The following EIF2B3 variants were observed in gnomAD, a reference collection of about 807,000 sequenced individuals.
EIF2B3 encodes eukaryotic translation initiation factor 2B subunit gamma, also known as translation initiation factor eIF2B subunit gamma.
In EIF2B3, 20 loss-of-function variants were observed where a neutral mutation model predicts 54.1. The ratio of observed to expected loss-of-function variants is 0.37; its 90% confidence interval spans 0.26 to 0.54. EIF2B3 has a LOEUF of 0.54. Among genes scored for constraint, EIF2B3 ranks in the 20% least tolerant of loss-of-function variants. The probability of loss-of-function intolerance (pLI) is 0.86; values close to 1 mark genes in which losing one functional copy is unlikely to be tolerated. For missense variants in EIF2B3, 448 were observed against 547.8 expected, an observed-to-expected ratio of 0.82 and a Z score of 1.82; for synonymous variants, 153 against 188.1, an observed-to-expected ratio of 0.81 and a Z score of 1.52.
intron 11 of EIF2B3, among the ~76,000 whole-genome samples, chr1:44,856,341 C>A (rs1435617167): frequency 6.6e-6 from 1 of 151,446 alleles, no homozygotes; most frequent in Non-Finnish European, 1.5e-5. Context: ...ATTGCAAAAC[C>A]CTGTCTCTAC....
At chr1:44,921,602 A>C (rs530185786) in intron 5 of EIF2B3, among the ~76,000 whole-genome samples, 1 of 152,308 alleles carries the variant, frequency 6.6e-6, no homozygotes, top group Non-Finnish European at 1.5e-5. Flanking sequence ...ATTCTTTTGC[A>C]TATGGATATC....
At chr1:44,923,295 T>C (rs539664115) in intron 5 of EIF2B3, among the ~76,000 whole-genome samples, 1 of 152,252 alleles carries the variant, frequency 6.6e-6, no homozygotes, top group Admixed American at 6.5e-5. Context: ...CCTTGTCTAG[T>C]AAGCTTTCTC....
intron 2 of EIF2B3, among the ~76,000 whole-genome samples, chr1:44,979,784 C>T (rs112205090): frequency 0.15 from 23,333 of 151,910 alleles, 1,903 homozygotes; most frequent in Non-Finnish European, 0.17. Context: ...GACAACATGG[C>T]GAAACCCTGT....
At chr1:44,971,149 C>T (rs1390115553) in intron 3 of EIF2B3, among the ~76,000 whole-genome samples, 1 of 151,944 alleles carries the variant, frequency 6.6e-6, no homozygotes, top group Non-Finnish European at 1.5e-5. Context: ...TTTGGGAGGC[C>T]GAGGCGGGCG....
chr1:44,874,430 GC>G, intron 10 of EIF2B3: 1 of 503,614 alleles, frequency 2.0e-6, no homozygotes, highest in Non-Finnish European at 3.5e-6. Flanking sequence ...GATTCTTTTT[GC>G]CCTTTTTCTG....
At chr1:44,859,238 C>T (rs1435998233) in intron 10 of EIF2B3, among the ~76,000 whole-genome samples, 1 of 152,156 alleles carries the variant, frequency 6.6e-6, no homozygotes, top group African/African-American at 2.4e-5. Flanking sequence ...GAGGTAGAGG[C>T]TGCAGTGAAC....
chr1:44,981,213 A>AG (rs1452174129), intron 1 of EIF2B3, 36 bp from the exon 2 acceptor site: 6 of 1,610,832 alleles, frequency 3.7e-6, no homozygotes, highest in Non-Finnish European at 5.1e-6. Context: ...CAGAAAAAAA[A>AG]CAATGTAACA....
At chr1:44,873,122 G>A (rs1374025050) in intron 10 of EIF2B3, among the ~76,000 whole-genome samples, 1 of 152,144 alleles carries the variant, frequency 6.6e-6, no homozygotes, top group East Asian at 1.9e-4. Flanking sequence ...TTGGAGGGCT[G>A]GTTGTCAACA....
chr1:44,864,480 T>G (rs1326169462), intron 10 of EIF2B3, among the ~76,000 whole-genome samples: 1 of 152,158 alleles, frequency 6.6e-6, no homozygotes, highest in African/African-American at 2.4e-5. Context: ...GAGGATAGCT[T>G]GAACCCAGGA....
intron 3 of EIF2B3, among the ~76,000 whole-genome samples, chr1:44,965,459 C>G (rs76381075): frequency 6.6e-6 from 1 of 151,064 alleles, no homozygotes; most frequent in Non-Finnish European, 1.5e-5. Context: ...TAGAACTAAA[C>G]GTGTTCTAAA....
intron 3 of EIF2B3, among the ~76,000 whole-genome samples, chr1:44,944,434 A>G (rs961733586): frequency 6.6e-6 from 1 of 151,606 alleles, no homozygotes; most frequent in Non-Finnish European, 1.5e-5. Flanking sequence ...GTTCAAGGTT[A>G]GAGTGAGCTA....
At chr1:44,978,738 G>T (rs1046121734) in intron 2 of EIF2B3, among the ~76,000 whole-genome samples, 2 of 144,010 alleles carry the variant, frequency 1.4e-5, no homozygotes, top group Non-Finnish European at 3.0e-5. Flanking sequence ...CCAAGATCAG[G>T]CAATCCTCCC....
intron 3 of EIF2B3, chr1:44,959,136 C>A: frequency 1.3e-6 from 1 of 749,936 alleles, no homozygotes. Context: ...GTGAAGGCAC[C>A]CTTGAACCAT....
chr1:44,942,412 T>TATATAC (rs1644042151), intron 3 of EIF2B3, among the ~76,000 whole-genome samples: 1 of 19,628 alleles, frequency 5.1e-5, no homozygotes, highest in Non-Finnish European at 9.6e-5. Flanking sequence ...TATATATATA[T>TATATAC]ATATATTTTT....
intron 3 of EIF2B3, among the ~76,000 whole-genome samples, chr1:44,949,423 T>C (rs7515226): frequency 0.25 from 37,480 of 152,168 alleles, 5,676 homozygotes; most frequent in African/African-American, 0.43. Context: ...CTTTGTATAT[T>C]CAGAGTTCAA....
At chr1:44,983,547 GTTA>G (rs1187054838) in intron 1 of EIF2B3, among the ~76,000 whole-genome samples, 1 of 152,110 alleles carries the variant, frequency 6.6e-6, no homozygotes, top group African/African-American at 2.4e-5. Context: ...CACATCAAAT[GTTA>G]TTATGAAAAG....
intron 3 of EIF2B3, among the ~76,000 whole-genome samples, chr1:44,974,971 T>G (rs561451867): frequency 1.3e-5 from 2 of 152,296 alleles, no homozygotes; most frequent in South Asian, 4.1e-4. Flanking sequence ...TCCCAGCACT[T>G]TAGGAGACTG....
At chr1:44,978,918 T>C (rs1440252574) in intron 2 of EIF2B3, among the ~76,000 whole-genome samples, 3 of 151,864 alleles carry the variant, frequency 2.0e-5, no homozygotes, top group Non-Finnish European at 4.4e-5. Context: ...ATTACAGACG[T>C]GAACCACTGC....
At chr1:44,953,546 G>A (rs1291558774) in intron 3 of EIF2B3, among the ~76,000 whole-genome samples, 2 of 152,202 alleles carry the variant, frequency 1.3e-5, no homozygotes, top group African/African-American at 4.8e-5. Flanking sequence ...GGAAGCTAAG[G>A]TGTGCATATC....
Sources: gnomAD v4.1 joint callset for allele counts (sites outside exome capture counted in the v4.1 genomes callset) on GRCh38, gnomAD v4.1.1 for gene constraint, MANE v1.5 for transcripts, NCBI Gene and HGNC (gene_info 2026-07-23, HGNC 2026-07-21) for gene names.